CHAF1A: variants seen among roughly 807,000 people sequenced by gnomAD.
The protein encoded by CHAF1A is chromatin assembly factor 1 subunit A.
A neutral mutation model predicts 93.2 loss-of-function variants in CHAF1A; 5 were observed. The observed-to-expected ratio is 0.05, with a 90% CI of 0.03 to 0.11. The LOEUF (loss-of-function observed/expected upper bound fraction) is 0.11. Ranked by LOEUF, CHAF1A falls within the 10% of genes least tolerant of loss-of-function variation. The pLI is 1.00. For missense variants in CHAF1A, 1,102 were observed against 1,259.9 expected (o/e 0.87, Z 1.90); for synonymous variants, 504 against 510.3 (o/e 0.99, Z 0.17).
At chr19:4,406,091 G>A (rs574692998) in intron 2 of CHAF1A, 129 bp downstream of exon 2, 3 of 757,042 alleles carry the variant, frequency 4.0e-6, no homozygotes, top group Non-Finnish European at 4.5e-6. Flanking sequence ...CAGGAAGCTG[G>A]GAAAATGCTT....
chr19:4,430,739 C>A, intron 11 of CHAF1A, 98 bp downstream of exon 11: 1 of 1,273,998 alleles, frequency 7.8e-7, no homozygotes, highest in East Asian at 2.4e-5. Flanking sequence ...GGTCCCAGCC[C>A]AACCATACGA....
At chr19:4,441,321 TTA>T (rs1223204895) in intron 13 of CHAF1A, among the ~76,000 whole-genome samples, 1 of 150,702 alleles carries the variant, frequency 6.6e-6, no homozygotes, top group East Asian at 2.0e-4. Context: ...GTCTCAAGAT[TTA>T]TATATATTAA....
At chr19:4,446,366 C>G, downstream of CHAF1A, 1 of 1,573,636 alleles carries the variant, frequency 6.4e-7, no homozygotes, top group Non-Finnish European at 8.6e-7. Flanking sequence ...CTCCTTCTCC[C>G]GCATGGCCTT....
intron 13 of CHAF1A, among the ~76,000 whole-genome samples, chr19:4,435,094 T>TC (rs1364754691): frequency 7.4e-6 from 1 of 135,048 alleles, no homozygotes; most frequent in African/African-American, 2.8e-5. Flanking sequence ...TTCCTTTTTT[T>TC]TTTTTTTTTT....
downstream of CHAF1A, chr19:4,446,142 G>A: frequency 6.2e-7 from 1 of 1,611,876 alleles, no homozygotes; most frequent in South Asian, 1.1e-5. Flanking sequence ...CGCTCTGCAG[G>A]GCCTCCCGGA....
chr19:4,422,595 G>A lies in CHAF1A; in HGVS notation c.1047G>A (p.Lys349=), dbSNP rs1295526826. 1 of 1,575,194 alleles carries A rather than the reference G, an allele frequency of 6.3e-7. No individual in the cohort carries two copies. The highest frequency in any genetic ancestry group is 1.3e-5 in the African/African-American group (1 of 74,234). Residue 349 remains lysine (K), a synonymous_variant, in exon 5 of 15, where the codon AAG becomes AAA. Coordinates refer to ENST00000301280, the MANE Select transcript of CHAF1A (RefSeq NM_005483.3). This position sits in a 1 kb window ranked among gnomAD's most constrained non-coding sequence, Gnocchi z 4.6. ...RDQERLGKQL[K]LRAEREEKEK... ...AGGAGCGTCTGGGCAAGCAGCTCAA[G>A]TTACGTGCAGAAAGGGAAGAAAAGG...
intron 13 of CHAF1A, among the ~76,000 whole-genome samples, chr19:4,437,036 C>T (rs898035922): frequency 3.9e-5 from 6 of 152,214 alleles, no homozygotes; most frequent in African/African-American, 1.2e-4. Context: ...CACAGCATCT[C>T]ACCTGCTAAT....
At chr19:4,424,514 A>G (rs1464118188) in intron 7 of CHAF1A, among the ~76,000 whole-genome samples, 1 of 152,190 alleles carries the variant, frequency 6.6e-6, no homozygotes, top group East Asian at 1.9e-4. Context: ...CCCAGGCTGT[A>G]GTGCAGTTGC....
downstream of CHAF1A, chr19:4,447,211 C>T (rs563318125): frequency 1.6e-4 from 93 of 578,908 alleles, no homozygotes; most frequent in African/African-American, 1.6e-3. Flanking sequence ...CCGCCCAGGA[C>T]CCCAGTCCCT....
chr19:4,433,148 G>A lies in CHAF1A; in HGVS notation c.2282G>A (p.Cys761Tyr), dbSNP rs199658685. ...ATCATCCGGGAGTTCCAGGAGCACTGCCGCCGGGGACTGCTCAGCAACCAC... is the reference window on the plus strand; with the variant it reads ...ATCATCCGGGAGTTCCAGGAGCACTACCGCCGGGGACTGCTCAGCAACCAC... ...KVIIREFQEHCRRGLLSNHTG... is the reference protein window; with the variant it reads ...KVIIREFQEHYRRGLLSNHTG... The change falls in exon 13 of 15, where the codon TGC becomes TAC. Residue 761 changes from cysteine to tyrosine, a missense_variant. Around this residue, in one of 6 missense-constraint regions of CHAF1A, gnomAD observed 335 missense variants for 361.9 expected, o/e 0.93. Coordinates refer to ENST00000301280, the MANE Select transcript of CHAF1A (RefSeq NM_005483.3). This position sits in a 1 kb window ranked among gnomAD's most constrained non-coding sequence, Gnocchi z 5.6. The A allele has an allele frequency of 1.9e-4, 300 of 1,612,646 alleles. No individual in the cohort carries two copies. Among genetic ancestry groups the A allele is most frequent in the Non-Finnish European group, 2.4e-4 (279 of 1,178,960 alleles).
intron 4 of CHAF1A, among the ~76,000 whole-genome samples, chr19:4,419,396 A>G (rs1193168774): frequency 6.6e-6 from 1 of 151,058 alleles, no homozygotes; most frequent in East Asian, 1.9e-4. Flanking sequence ...GGCCACACTG[A>G]GTTTTTGTGT....
chr19:4,411,183 A>T (rs1306972248), intron 3 of CHAF1A, among the ~76,000 whole-genome samples: 1 of 152,068 alleles, frequency 6.6e-6, no homozygotes, highest in Non-Finnish European at 1.5e-5. Flanking sequence ...CCTGGACCAT[A>T]AACCACCAAC....
downstream of CHAF1A, chr19:4,448,158 G>A (rs1974577291): frequency 6.1e-6 from 4 of 652,450 alleles, no homozygotes; most frequent in Admixed American, 7.9e-5. Context: ...CCAGCCCTTT[G>A]CCTGAGGCCT....
At chr19:4,421,371 A>T (rs758496846) in intron 4 of CHAF1A, among the ~76,000 whole-genome samples, 16 of 152,116 alleles carry the variant, frequency 1.1e-4, no homozygotes, top group Non-Finnish European at 1.6e-4. Flanking sequence ...CCCTCAGCCC[A>T]GCAGGATTGT....
intron 13 of CHAF1A, among the ~76,000 whole-genome samples, chr19:4,439,991 G>C (rs551115375): frequency 9.8e-5 from 15 of 152,334 alleles, no homozygotes; most frequent in Admixed American, 3.3e-4. Context: ...TCCAGGAGGG[G>C]AGCCCCTACC....
In CHAF1A at chr19:4,427,136, CTTTTTTTTTT is replaced by C. The variant is rs747750687; in HGVS notation, c.1378-1506_1378-1497del. On this transcript the variant is annotated intron_variant, in intron 7 of 14. Coordinates refer to ENST00000301280, the MANE Select transcript of CHAF1A (RefSeq NM_005483.3). ...GTGATCTTTCAAAAAAAGACCCTGT[CTTTTTTTTTT>C]TTTTTTTTTTTTTTTTTTTTTGAGA... Among the ~76,000 whole-genome samples, 110 of 31,956 alleles carry C rather than the reference CTTTTTTTTTT, an allele frequency of 3.4e-3. 1 individual carries two copies. The highest frequency in any genetic ancestry group is 0.014 in the African/African-American group (95 of 6,828). The allele number at this position is 31,956 out of a possible 152,430, so 21.0% of individuals were successfully genotyped here. A position where few individuals can be genotyped will look rare whatever the true frequency, so the allele number is the denominator to read the frequency against.
Position 4,409,579 on chromosome 19 carries a change from C to T in CHAF1A, c.780C>T (p.Pro260=), listed in dbSNP as rs1454430789. 5 of 1,614,014 alleles carry T rather than the reference C, an allele frequency of 3.1e-6. No homozygotes were observed. In the African/African-American group the frequency reaches 6.7e-5, roughly 22 times the overall value. ...AAATCAAGTCCCTTCCAGCCACACC[C>T]CAAGGCAAGAACATGACCCCTGAGA... ...PPQIKSLPAT[P]QGKNMTPESE... is the part of the protein sequence containing the mutation. The change falls in exon 3 of 15, where the codon CCC becomes CCT. Residue 260 remains proline, a synonymous_variant. Coordinates refer to ENST00000301280, the MANE Select transcript of CHAF1A (RefSeq NM_005483.3).
intron 1 of CHAF1A, among the ~76,000 whole-genome samples, chr19:4,404,102 TGAGCCACCA>T (rs1973637936): frequency 6.6e-6 from 1 of 152,000 alleles, no homozygotes; most frequent in South Asian, 2.1e-4. Context: ...ATTACAGGCA[TGAGCCACCA>T]TGCCTGGCCA....
chr19:4,433,409 C>T lies in CHAF1A; in HGVS notation c.2543C>T (p.Ala848Val). The change falls in exon 13 of 15, where the codon GCC (alanine) becomes GTC (valine). Residue 848 changes from alanine to valine, a missense_variant. Around this residue, in one of 6 missense-constraint regions of CHAF1A, gnomAD observed 76 missense variants for 129.8 expected, o/e 0.59. Coordinates refer to ENST00000301280, the MANE Select transcript of CHAF1A (RefSeq NM_005483.3). This position sits in a 1 kb window ranked among gnomAD's most constrained non-coding sequence, Gnocchi z 5.6. ...QWSYVTSVPSAPKEDSGSVPS... is the reference protein window; with the variant it reads ...QWSYVTSVPSVPKEDSGSVPS... ...AGCTATGTGACATCGGTGCCCTCGG[C>T]CCCCAAAGAGGACAGTGGCAGCGTC... 6.2e-7 allele frequency: 1 copy of T among 1,612,548 alleles called. No individual in the cohort carries two copies. The highest frequency in any genetic ancestry group is 1.3e-5 in the African/African-American group (1 of 75,014).
Sources: gnomAD v4.1 joint callset for allele counts (sites outside exome capture counted in the v4.1 genomes callset) on GRCh38, gnomAD v4.1.1 for gene constraint, gnomAD v4.1.1 regional missense constraint, Gnocchi (gnomAD v3.1) non-coding constraint, MANE v1.5 for transcripts, NCBI Gene and HGNC (gene_info 2026-07-23, HGNC 2026-07-21) for gene names.